Variants in LCOR observed in about 807,000 individuals in gnomAD.
LCOR encodes the protein ligand-dependent corepressor.
Under a neutral mutation model 64.4 loss-of-function variants are expected in LCOR, and 14 were observed. That is an observed-to-expected ratio of 0.22 (90% CI 0.14 to 0.34). The LOEUF (loss-of-function observed/expected upper bound fraction) is 0.34, where lower values mean the gene tolerates loss of function less well. Ranked by LOEUF, LCOR falls within the 10% of genes least tolerant of loss-of-function variation. LCOR has a pLI of 1.00. For missense variants in LCOR, 1,686 were observed against 1,765.3 expected, an observed-to-expected ratio of 0.96 and a Z score of 0.80; for synonymous variants, 643 against 642.5, an observed-to-expected ratio of 1.00 and a Z score of -0.01.
At chr10:96,863,880 T>A (rs1845929456) in intron 2 of LCOR, among the ~76,000 whole-genome samples, 1 of 152,202 alleles carries the variant, frequency 6.6e-6, no homozygotes, top group African/African-American at 2.4e-5. Context: ...ACCTGCCTAT[T>A]TTGTCTTTTG....
At chr10:96,973,675 A>G (rs1249692951) in intron 7 of LCOR, among the ~76,000 whole-genome samples, 1 of 152,224 alleles carries the variant, frequency 6.6e-6, no homozygotes, top group East Asian at 1.9e-4. Context: ...GACTATAGTC[A>G]GCTCTCTAAA....
intron 2 of LCOR, among the ~76,000 whole-genome samples, chr10:96,877,832 C>T (rs376130825): frequency 1.3e-5 from 2 of 151,896 alleles, no homozygotes; most frequent in Admixed American, 6.6e-5. Flanking sequence ...AGGATGGTCT[C>T]GATCTCCTGA....
At chr10:96,905,092 G>A (rs1846705252) in intron 2 of LCOR, among the ~76,000 whole-genome samples, 2 of 152,042 alleles carry the variant, frequency 1.3e-5, no homozygotes, top group East Asian at 3.9e-4. Flanking sequence ...CTTTGTCATT[G>A]CTTTTTCATC....
Position 96,984,617 on chromosome 10 carries a change from T to C in LCOR, c.4157T>C (p.Val1386Ala). The C allele has an allele frequency of 1.9e-6, 3 of 1,614,162 alleles. No individual in the cohort carries two copies. The highest frequency in any genetic ancestry group is 2.5e-6 in the Non-Finnish European group (3 of 1,180,046). ...EGMKGRKGKQVSEILPKAEVQ... is the reference protein window; with the variant it reads ...EGMKGRKGKQASEILPKAEVQ... ...ATGAAGGGAAGGAAGGGGAAGCAGG[T>C]GTCTGAAATCTTGCCTAAAGCAGAA... Residue 1386 changes from valine to alanine, a missense_variant, in exon 8 of 8, where the codon GTG becomes GCG. Val to Ala is a moderately conservative substitution (Grantham distance 64). Coordinates refer to ENST00000421806, the MANE Select transcript of LCOR (RefSeq NM_001346516.2).
chr10:96,941,372 G>GC (rs1847470680), intron 4 of LCOR, among the ~76,000 whole-genome samples: 1 of 138,978 alleles, frequency 7.2e-6, no homozygotes, highest in Non-Finnish European at 1.6e-5. Flanking sequence ...GGGCAGAGGC[G>GC]CCCCTCACCT....
intron 2 of LCOR, among the ~76,000 whole-genome samples, chr10:96,892,986 T>C (rs994762262): frequency 3.3e-5 from 5 of 152,218 alleles, no homozygotes; most frequent in African/African-American, 1.2e-4. Flanking sequence ...GTCTGTCTTA[T>C]ATCAGTTTTG....
chr10:96,862,934 G>A (rs1276058041), intron 2 of LCOR, among the ~76,000 whole-genome samples: 1 of 149,816 alleles, frequency 6.7e-6, no homozygotes, highest in Non-Finnish European at 1.5e-5. Flanking sequence ...AGGCTGGAGT[G>A]TAGTGGCATG....
At chr10:96,912,607 T>TTTTC (rs1554836477) in intron 4 of LCOR, among the ~76,000 whole-genome samples, 1 of 140,294 alleles carries the variant, frequency 7.1e-6, no homozygotes, top group Non-Finnish European at 1.5e-5. Flanking sequence ...TTTCTTCCTT[T>TTTTC]CTTCCTTCCT....
chr10:96,887,694 TTTAA>T (rs1729913973), intron 2 of LCOR, among the ~76,000 whole-genome samples: 1 of 152,074 alleles, frequency 6.6e-6, no homozygotes, highest in Non-Finnish European at 1.5e-5. Context: ...TTTTTTTTTT[TTTAA>T]TTGAGACGGA....
intron 2 of LCOR, among the ~76,000 whole-genome samples, chr10:96,870,938 T>A (rs1011696198): frequency 2.0e-5 from 3 of 152,262 alleles, no homozygotes; most frequent in Admixed American, 2.0e-4. Flanking sequence ...GACAAATCTT[T>A]GCAACTGGTA....
Position 96,981,281 on chromosome 10 carries a change from C to T in LCOR, c.821C>T (p.Ser274Phe). 5 of 1,315,608 alleles carry T rather than the reference C, an allele frequency of 3.8e-6. No homozygotes were observed. Among genetic ancestry groups the T allele is most frequent in the Non-Finnish European group, 5.4e-6 (5 of 918,374 alleles). The allele number at this position is 1,315,608 out of a possible 1,614,324, so 81.5% of individuals were successfully genotyped here. ...TTCACTCCGGGATACCTCACTGCAT[C>T]TAATTGTTCCTCAGTGAACTTCCAC... ...DSFTPGYLTA[S>F]NCSSVNFHHI... Residue 274 changes from serine to phenylalanine, a missense_variant, in exon 8 of 8, where the codon TCT becomes TTT. Ser to Phe is a radical substitution (Grantham distance 155). Coordinates refer to ENST00000421806, the MANE Select transcript of LCOR (RefSeq NM_001346516.2).
chr10:96,926,810 C>CT (rs1847176815), intron 4 of LCOR, among the ~76,000 whole-genome samples: 1 of 151,942 alleles, frequency 6.6e-6, no homozygotes, highest in African/African-American at 2.4e-5. Flanking sequence ...TTATGTTTGA[C>CT]TTCTTTTTGT....
At chr10:96,970,912 C>G (rs934744184) in intron 7 of LCOR, among the ~76,000 whole-genome samples, 2 of 152,032 alleles carry the variant, frequency 1.3e-5, no homozygotes, top group African/African-American at 4.8e-5. Context: ...AGCCACCACG[C>G]ACAGCTCTAG....
intron 2 of LCOR, among the ~76,000 whole-genome samples, chr10:96,899,148 A>G (rs577466428): frequency 6.6e-6 from 1 of 152,254 alleles, no homozygotes; most frequent in South Asian, 2.1e-4. Flanking sequence ...AAGGAGTAAA[A>G]TGATTTTGAT....
chr10:96,905,391 G>A (rs1009915260), intron 2 of LCOR, among the ~76,000 whole-genome samples: 2 of 152,122 alleles, frequency 1.3e-5, no homozygotes, highest in East Asian at 1.9e-4. Context: ...TGTATTTGAT[G>A]CTTGCAAGGT....
At chr10:96,943,078 T>G (rs913561453) in intron 4 of LCOR, among the ~76,000 whole-genome samples, 13 of 144,110 alleles carry the variant, frequency 9.0e-5, no homozygotes, top group Non-Finnish European at 4.5e-5. Flanking sequence ...AACTTTTTGG[T>G]CAGAGAAACT....
At chr10:96,970,038 G>A (rs372281523) in intron 7 of LCOR, among the ~76,000 whole-genome samples, 16 of 130,086 alleles carry the variant, frequency 1.2e-4, no homozygotes, top group South Asian at 5.4e-4. Context: ...TGATCCGCCC[G>A]CCTCAGCCTC....
chr10:96,846,585 TAAAGC>T (rs1201661499), intron 2 of LCOR, among the ~76,000 whole-genome samples: 2 of 152,166 alleles, frequency 1.3e-5, no homozygotes, highest in Admixed American at 6.5e-5. Context: ...CAAATCAAAA[TAAAGC>T]AAACAGGTAT....
chr10:96,887,207 T>C (rs77517784), intron 2 of LCOR, among the ~76,000 whole-genome samples: 8,666 of 152,238 alleles, frequency 0.057, 563 homozygotes, highest in East Asian at 0.28. Flanking sequence ...TATTATAGTC[T>C]TTCACTGCCT....
Sources: gnomAD v4.1 joint callset for allele counts (sites outside exome capture counted in the v4.1 genomes callset) on GRCh38, gnomAD v4.1.1 for gene constraint, MANE v1.5 for transcripts, NCBI Gene and HGNC (gene_info 2026-07-23, HGNC 2026-07-21) for gene names.